Variants in HDGFL2 observed in about 807,000 individuals in gnomAD.
HDGFL2 encodes the protein hepatoma-derived growth factor-related protein 2.
Under a neutral mutation model 77.1 loss-of-function variants are expected in HDGFL2, and 36 were observed. The observed-to-expected ratio is 0.47, with a 90% confidence interval of 0.36 to 0.62. HDGFL2 has a LOEUF of 0.62. Among genes scored for constraint, HDGFL2 ranks in the 20% least tolerant of loss-of-function variants. The probability of loss-of-function intolerance (pLI) is 0.00; values close to 1 mark genes in which losing one functional copy is unlikely to be tolerated. For missense variants in HDGFL2, 976 were observed against 973.4 expected, an observed-to-expected ratio of 1.00 and a Z score of -0.04; for synonymous variants, 463 against 413.1, an observed-to-expected ratio of 1.12 and a Z score of -1.46.
chr19:4,496,869 CTTT>C (rs34622619), intron 10 of HDGFL2: 466 of 344,216 alleles, frequency 1.4e-3, no homozygotes, highest in Middle Eastern at 4.2e-3. Context: ...TCCCAGCTCA[CTTT>C]TTTTTTTTTT....
intron 3 of HDGFL2, 91 bp downstream of exon 3, chr19:4,475,674 C>T: frequency 1.4e-6 from 2 of 1,431,774 alleles, no homozygotes; most frequent in Middle Eastern, 2.3e-4. Context: ...GCACTGTGGA[C>T]ACATGGGGCT....
At chr19:4,492,384 T>C (rs1975539240) in intron 6 of HDGFL2, among the ~76,000 whole-genome samples, 1 of 151,520 alleles carries the variant, frequency 6.6e-6, no homozygotes, top group South Asian at 2.1e-4. Context: ...CCTGTATGCC[T>C]GTGTGTGTGT....
intron 3 of HDGFL2, among the ~76,000 whole-genome samples, chr19:4,483,358 G>A (rs976965891): frequency 6.6e-6 from 1 of 152,152 alleles, no homozygotes; most frequent in African/African-American, 2.4e-5. Context: ...CTCCCGGCGC[G>A]GGAGGACCAG....
Position 4,476,901 on chromosome 19 carries a change from G to A in HDGFL2, c.288+1318G>A, listed in dbSNP as rs749981662. Among the ~76,000 whole-genome samples the A allele has an allele frequency of 1.0e-3, 153 of 152,050 alleles. 1 individual carries two copies. The highest frequency in any genetic ancestry group is 1.8e-3 in the Non-Finnish European group (122 of 67,998). ...AGGTTTCTGTGACAGGCTGGGGGCC[G>A]GGGTTAGTAGCCCAGGCTTAGCTGG... On this transcript the variant is annotated intron_variant, in intron 3 of 15. Coordinates refer to ENST00000616600, the MANE Select transcript of HDGFL2 (RefSeq NM_001001520.3).
rs1975523127 is a variant in HDGFL2 at position 4,491,821 on chromosome 19, G to A, written c.664G>A (p.Gly222Arg). Reference protein sequence around the residue: ...VRAPRRGPLGGRKKKKAPSAS... With the variant: ...VRAPRRGPLGRRKKKKAPSAS... ...GGCGCCACGGAGGGGCCCTCTGGGGGGACGGAAAAAAAAGGTAGCGTGCAC... is the reference window on the plus strand; with the variant it reads ...GGCGCCACGGAGGGGCCCTCTGGGGAGACGGAAAAAAAAGGTAGCGTGCAC... Residue 222 changes from glycine (G) to arginine (R), a missense_variant, in exon 6 of 16, where the codon GGA becomes AGA. Coordinates refer to ENST00000616600, the MANE Select transcript of HDGFL2 (RefSeq NM_001001520.3). 1.2e-6 allele frequency: 2 copies of A among 1,613,764 alleles called. No individual in the cohort carries two copies. The highest frequency in any genetic ancestry group is 1.1e-5 in the South Asian group (1 of 91,074).
chr19:4,474,276 C>T (rs1975014664), intron 1 of HDGFL2, among the ~76,000 whole-genome samples: 2 of 152,082 alleles, frequency 1.3e-5, no homozygotes, highest in South Asian at 2.1e-4. Flanking sequence ...CCGAAGCTGG[C>T]AATGCCGCTG....
At chr19:4,484,693 A>C (rs1599707873) in intron 3 of HDGFL2, among the ~76,000 whole-genome samples, 7 of 19,024 alleles carry the variant, frequency 3.7e-4, no homozygotes, top group Non-Finnish European at 5.5e-4. Flanking sequence ...TTTTTTTGAC[A>C]CGGAGTCTTG....
intron 3 of HDGFL2, among the ~76,000 whole-genome samples, chr19:4,483,103 T>C (rs537261249): frequency 6.6e-6 from 1 of 152,364 alleles, no homozygotes; most frequent in East Asian, 1.9e-4. Flanking sequence ...GTTATTACTC[T>C]CAGCGTTCTC....
intron 3 of HDGFL2, among the ~76,000 whole-genome samples, chr19:4,479,059 G>T (rs1005880639): frequency 6.6e-6 from 1 of 151,818 alleles, no homozygotes; most frequent in African/African-American, 2.4e-5. Flanking sequence ...AGGCATGGTG[G>T]CTCACGCCTG....
At position 4,475,435 on chromosome 19, in the gene HDGFL2, C is replaced by T. The variant is rs752980439; in HGVS notation, c.150-10C>T. The T allele has an allele frequency of 1.2e-6, 2 of 1,613,924 alleles. No individual in the cohort carries two copies. The highest frequency in any genetic ancestry group is 2.2e-5 in the South Asian group (2 of 91,070). On this transcript the variant is annotated splice_polypyrimidine_tract_variant and intron_variant, in intron 2 of 15. Transcript: ENST00000616600. ...CTCACCTGGGACTGGCCCCCGTTTC[C>T]CTTCTCCAGAGCCTTCCTGGGACCC...
Position 4,499,677 on chromosome 19 carries a change from G to C in HDGFL2, c.1762G>C (p.Glu588Gln), listed in dbSNP as rs983417307. 6.4e-6 allele frequency: 10 copies of C among 1,569,902 alleles called. No homozygotes were observed. The Admixed American group carries it at 7.5e-5, about 12-fold the overall frequency. Residue 588 changes from glutamate (E) to glutamine (Q), a missense_variant, in exon 14 of 16, where the codon GAG becomes CAG. Physicochemically the swap from Glu to Gln is conservative, Grantham distance 29. Around this residue, in one of 5 missense-constraint regions of HDGFL2, gnomAD observed 229 missense variants for 187.3 expected, o/e 1.22. Coordinates refer to ENST00000616600, the MANE Select transcript of HDGFL2 (RefSeq NM_001001520.3). ...GCTGGCCGGGGAGGAGGCCCCCCAGGAGAAGGCGGAGGACAAGCCCAGCAC... is the reference window on the plus strand; with the variant it reads ...GCTGGCCGGGGAGGAGGCCCCCCAGCAGAAGGCGGAGGACAAGCCCAGCAC... ...EELAGEEAPQ[E>Q]KAEDKPSTDL... is the part of the protein sequence containing the mutation.
intron 4 of HDGFL2, among the ~76,000 whole-genome samples, chr19:4,490,970 C>G (rs1008952417): frequency 1.3e-5 from 2 of 152,028 alleles, no homozygotes; most frequent in Non-Finnish European, 2.9e-5. Flanking sequence ...CGCCACCACA[C>G]CCAGCTAATT....
chr19:4,495,312 T>C (rs902741789), intron 9 of HDGFL2, among the ~76,000 whole-genome samples: 57 of 132,876 alleles, frequency 4.3e-4, no homozygotes, highest in African/African-American at 1.6e-3. Flanking sequence ...GGTGTGAACC[T>C]GGGAGGCAGA....
At chr19:4,489,202 C>T (rs1186844022) in intron 4 of HDGFL2, among the ~76,000 whole-genome samples, 1 of 151,816 alleles carries the variant, frequency 6.6e-6, no homozygotes, top group Non-Finnish European at 1.5e-5. Context: ...ATCTGCCTGC[C>T]TCGGTCTCTC....
intron 1 of HDGFL2, chr19:4,475,063 C>G (rs1599695935): frequency 1.7e-6 from 1 of 575,020 alleles, no homozygotes; most frequent in East Asian, 3.0e-5. Context: ...AGCTCCGTCC[C>G]TGGGGTAGGG....
rs71168907 is a variant in HDGFL2, at chr19:4,484,666, A to ATTTTTTTTTTTTT, written c.289-3999_289-3987dup. On this transcript the variant is annotated intron_variant, in intron 3 of 15. Coordinates refer to ENST00000616600, the MANE Select transcript of HDGFL2 (RefSeq NM_001001520.3). ...AGGCACCCGCCATCACGCCTGGCTAATTTTTTTTTTTTTTTTTTTTTTTGA... is the reference window on the plus strand; with the variant it reads ...AGGCACCCGCCATCACGCCTGGCTAATTTTTTTTTTTTTTTTTTTTTTTTTTTTTTTTTTTTGA... Among the ~76,000 whole-genome samples, 9 of 74,118 alleles carry ATTTTTTTTTTTTT rather than the reference A, an allele frequency of 1.2e-4. 2 individuals carry two copies. Among genetic ancestry groups the ATTTTTTTTTTTTT allele is most frequent in the African/African-American group, 4.6e-4 (8 of 17,494 alleles). The allele number at this position is 74,118 out of a possible 152,430, so 48.6% of individuals were successfully genotyped here.
chr19:4,493,624 G>T lies in HDGFL2; in HGVS notation c.679-79G>T, dbSNP rs758937539. 5.0e-4 allele frequency: 662 copies of T among 1,322,020 alleles called. 1 individual carries two copies. Among genetic ancestry groups the T allele is most frequent in the Admixed American group, 1.0e-3 (28 of 26,930 alleles). The allele number at this position is 1,322,020 out of a possible 1,614,324, so 81.9% of individuals were successfully genotyped here. A position where few individuals can be genotyped will look rare whatever the true frequency, so the allele number is the denominator to read the frequency against. The stretch of plus-strand genomic sequence containing the variant: ...AGAGCCTGGCGGCTGCAGGGGTGCG[G>T]GAGCCTCCTCTGGCCTGGTGCGCCC... On this transcript the variant is annotated intron_variant, in intron 6 of 15. Transcript: ENST00000616600.
At position 4,499,486 on chromosome 19, in the gene HDGFL2, G is replaced by T; in HGVS notation, c.1576-5G>T. ...GTGAGCCAGGCCTCTTCTCTTGGTGGCCAGATTCGCCGTTACAAAGCGAAC... is the reference window on the plus strand; with the variant it reads ...GTGAGCCAGGCCTCTTCTCTTGGTGTCCAGATTCGCCGTTACAAAGCGAAC... On this transcript the variant is annotated splice_polypyrimidine_tract_variant and splice_region_variant and intron_variant, in intron 13 of 15. Coordinates refer to ENST00000616600, the MANE Select transcript of HDGFL2 (RefSeq NM_001001520.3). 6.2e-7 allele frequency: 1 copy of T among 1,611,714 alleles called. No individual in the cohort carries two copies.
At chr19:4,484,666 ATTTTTTTTTTTTT>A (rs71168907) in intron 3 of HDGFL2, among the ~76,000 whole-genome samples, 2 of 74,114 alleles carry the variant, frequency 2.7e-5, no homozygotes, top group East Asian at 7.2e-4. Flanking sequence ...CGCCTGGCTA[ATTTTTTTTTTTTT>A]TTTTTTTTTT....
Sources: gnomAD v4.1 joint callset for allele counts (sites outside exome capture counted in the v4.1 genomes callset) on GRCh38, gnomAD v4.1.1 for gene constraint, gnomAD v4.1.1 regional missense constraint, MANE v1.5 for transcripts, NCBI Gene and HGNC (gene_info 2026-07-23, HGNC 2026-07-21) for gene names.